LSAMP: variants seen among roughly 807,000 people sequenced by gnomAD.
The protein encoded by LSAMP is limbic system-associated membrane protein.
A neutral mutation model predicts 38.6 loss-of-function variants in LSAMP; 7 were observed. The ratio of observed to expected loss-of-function variants is 0.18; its 90% CI spans 0.10 to 0.34. The LOEUF is 0.34. LSAMP is among the 10% of genes least tolerant of loss of function. LSAMP has a pLI of 1.00. For synonymous variants in LSAMP, 154 were observed against 166.8 expected, an observed-to-expected ratio of 0.92 and a Z score of 0.59; for missense variants, 313 against 420.0, an observed-to-expected ratio of 0.75 and a Z score of 2.23.
intron 1 of LSAMP, among the ~76,000 whole-genome samples, chr3:116,409,989 G>A (rs2048949744): frequency 6.6e-6 from 1 of 152,070 alleles, no homozygotes; most frequent in Non-Finnish European, 1.5e-5. Context: ...TAGTGCCACA[G>A]GGAAGAGGAC....
intron 3 of LSAMP, among the ~76,000 whole-genome samples, chr3:116,009,163 T>C (rs1476776715): frequency 6.6e-6 from 1 of 152,196 alleles, no homozygotes; most frequent in East Asian, 1.9e-4. Flanking sequence ...ATTGTGGGAC[T>C]TACCTAGGTG....
At position 116,185,875 on chromosome 3, in the gene LSAMP, G is replaced by A. The variant is rs144517576; in HGVS notation, c.156-99319C>T. 2.2e-4 allele frequency among the ~76,000 whole-genome samples: 32 copies of A among 147,966 alleles called. No homozygotes were observed. In the East Asian group the frequency reaches 5.7e-3, roughly 26 times the overall value. On this transcript the variant is annotated intron_variant, in intron 1 of 6. Transcript: ENST00000490035. Reference sequence around the variant, plus strand: ...AAATGGAGGAGTTGGGGTAAAAGGCGGGAAGGAGGAAAAAGAAGCAAAAAA... The same window carrying A: ...AAATGGAGGAGTTGGGGTAAAAGGCAGGAAGGAGGAAAAAGAAGCAAAAAA...
intron 3 of LSAMP, among the ~76,000 whole-genome samples, chr3:115,947,207 G>A (rs6438288): frequency 0.95 from 144,699 of 152,214 alleles, 69,173 homozygotes; most frequent in East Asian, 1. Flanking sequence ...TGATTATGAA[G>A]TATTGAAAGT....
chr3:115,933,955 A>C (rs948725764), intron 3 of LSAMP, among the ~76,000 whole-genome samples: 1 of 152,024 alleles, frequency 6.6e-6, no homozygotes, highest in African/African-American at 2.4e-5. Context: ...TCATTCTTTT[A>C]AAAATGTTGG....
At chr3:115,961,804 T>C (rs1938633067) in intron 3 of LSAMP, among the ~76,000 whole-genome samples, 1 of 152,192 alleles carries the variant, frequency 6.6e-6, no homozygotes, top group South Asian at 2.1e-4. Flanking sequence ...TCCCTCCTGC[T>C]GCTCTTAAAT....
intron 1 of LSAMP, among the ~76,000 whole-genome samples, chr3:116,282,744 C>G (rs2047142424): frequency 1.3e-5 from 2 of 149,410 alleles, no homozygotes; most frequent in South Asian, 4.2e-4. Flanking sequence ...ACTTAGGAAT[C>G]CCAGTGATAC....
intron 1 of LSAMP, among the ~76,000 whole-genome samples, chr3:116,413,066 A>G (rs2049001261): frequency 6.6e-6 from 1 of 152,072 alleles, no homozygotes; most frequent in Non-Finnish European, 1.5e-5. Flanking sequence ...ATTGGGTTCC[A>G]CCTAGCAATC....
intron 2 of LSAMP, among the ~76,000 whole-genome samples, chr3:116,071,160 A>ATTTCCCC (rs1707596305): frequency 7.2e-6 from 1 of 139,616 alleles, no homozygotes; most frequent in Non-Finnish European, 1.5e-5. Flanking sequence ...AGCATAGATG[A>ATTTCCCC]TTTTGTGAGT....
Position 116,037,391 on chromosome 3 carries a change from T to C in LSAMP, c.389-17751A>G, listed in dbSNP as rs369981573. 2.6e-5 allele frequency among the ~76,000 whole-genome samples: 4 copies of C among 152,266 alleles called. 1 individual carries two copies. Among genetic ancestry groups the C allele is most frequent in the African/African-American group, 9.6e-5 (4 of 41,568 alleles). On this transcript the variant is annotated intron_variant, in intron 2 of 6. Coordinates refer to ENST00000490035, the MANE Select transcript of LSAMP (RefSeq NM_002338.5). Reference sequence around the variant, plus strand: ...TCTGGCCTACATAAGTAAGCAGTTATCTAAGAGCAGTCCCATTCACTAAAT... The same window carrying C: ...TCTGGCCTACATAAGTAAGCAGTTACCTAAGAGCAGTCCCATTCACTAAAT...
chr3:115,839,991 C>T (rs1433765879), intron 6 of LSAMP, among the ~76,000 whole-genome samples: 3 of 152,188 alleles, frequency 2.0e-5, no homozygotes, highest in Admixed American at 6.5e-5. Flanking sequence ...CCTTCCATGA[C>T]CACGAGCAGT....
chr3:115,888,982 G>T (rs183520565), intron 3 of LSAMP, among the ~76,000 whole-genome samples: 3 of 151,890 alleles, frequency 2.0e-5, no homozygotes, highest in African/African-American at 7.2e-5. Context: ...CTTCAACCAC[G>T]CAGAGAGAAT....
At chr3:116,328,750 T>C (rs1027742123) in intron 1 of LSAMP, among the ~76,000 whole-genome samples, 1 of 152,150 alleles carries the variant, frequency 6.6e-6, no homozygotes, top group African/African-American at 2.4e-5. Context: ...TGTTATACAT[T>C]ACCAATGCTC....
intron 1 of LSAMP, among the ~76,000 whole-genome samples, chr3:116,200,509 G>C (rs2045973675): frequency 6.6e-6 from 1 of 152,134 alleles, no homozygotes; most frequent in Non-Finnish European, 1.5e-5. Context: ...ACAAAGTCTA[G>C]CTTGCCAGAC....
At chr3:116,127,115 T>TA (rs1342399703) in intron 1 of LSAMP, among the ~76,000 whole-genome samples, 4 of 152,226 alleles carry the variant, frequency 2.6e-5, no homozygotes, top group Admixed American at 6.5e-5. Context: ...AACCAAGTGA[T>TA]AGAGTAGGAA....
intron 2 of LSAMP, among the ~76,000 whole-genome samples, chr3:116,056,279 T>C (rs533293554): frequency 6.6e-6 from 1 of 152,292 alleles, no homozygotes; most frequent in South Asian, 2.1e-4. Flanking sequence ...TCCTGAACTA[T>C]TGTCACTAGG....
At chr3:116,217,237 G>A (rs186398234) in intron 1 of LSAMP, among the ~76,000 whole-genome samples, 43 of 152,232 alleles carry the variant, frequency 2.8e-4, no homozygotes, top group African/African-American at 9.6e-4. Flanking sequence ...GATTTATGGC[G>A]TTTTCATCAC....
intron 1 of LSAMP, among the ~76,000 whole-genome samples, chr3:116,427,402 G>A (rs1479048524): frequency 6.6e-6 from 1 of 151,424 alleles, no homozygotes; most frequent in Non-Finnish European, 1.5e-5. Flanking sequence ...TTACAGGCGT[G>A]AGCCACCGCG....
chr3:116,123,541 G>C (rs1708936235), intron 1 of LSAMP, among the ~76,000 whole-genome samples: 1 of 151,328 alleles, frequency 6.6e-6, no homozygotes, highest in African/African-American at 2.4e-5. Context: ...TATGGAACTT[G>C]AAGAGCAAAA....
At chr3:116,222,437 T>G (rs2046296884) in intron 1 of LSAMP, among the ~76,000 whole-genome samples, 1 of 152,140 alleles carries the variant, frequency 6.6e-6, no homozygotes, top group African/African-American at 2.4e-5. Context: ...GAACACATTT[T>G]TATATCTACC....
Sources: allele counts gnomAD v4.1 joint callset (sites outside exome capture counted in the v4.1 genomes callset), GRCh38; gene constraint gnomAD v4.1.1; transcripts MANE v1.5; gene names NCBI Gene and HGNC (gene_info 2026-07-23, HGNC 2026-07-21).